Variants in MYO18A observed in about 807,000 individuals in gnomAD.
The protein encoded by MYO18A is unconventional myosin-XVIIIa.
A neutral mutation model predicts 235.8 loss-of-function variants in MYO18A; 78 were observed. The observed-to-expected ratio is 0.33, with a 90% confidence interval of 0.28 to 0.40. MYO18A has a LOEUF of 0.40. MYO18A is among the 10% of genes least tolerant of loss of function. The pLI is 1.00. For synonymous variants in MYO18A, 977 were observed against 1,077.8 expected, an observed-to-expected ratio of 0.91 and a Z score of 1.83; for missense variants, 2,215 against 2,699.3, an observed-to-expected ratio of 0.82 and a Z score of 3.98.
At chr17:29,113,927 G>T in intron 15 of MYO18A, 84 bp downstream of exon 15, 1 of 1,115,524 alleles carries the variant, frequency 9.0e-7, no homozygotes, top group Non-Finnish European at 1.3e-6. Flanking sequence ...CCCAGCAGCA[G>T]CTCAGATGGG....
At chr17:29,124,644 G>A (rs1319018485) in intron 2 of MYO18A, 2 of 1,281,818 alleles carry the variant, frequency 1.6e-6, no homozygotes, top group Non-Finnish European at 2.0e-6. Context: ...TGGGGGGAGA[G>A]CACCCTACCT....
rs142430455 is a variant in MYO18A, at chr17:29,154,121, T to TGTGTGTGTGTGTGCGCGC, written c.999+11820_999+11821insGCGCGCACACACACACAC. 2.2e-3 allele frequency among the ~76,000 whole-genome samples: 334 copies of TGTGTGTGTGTGTGCGCGC among 149,092 alleles called. 1 individual carries two copies. Among genetic ancestry groups the TGTGTGTGTGTGTGCGCGC allele is most frequent in the Middle Eastern group, 0.01 (3 of 292 alleles). On this transcript the variant is annotated intron_variant, in intron 2 of 41. Transcript: ENST00000527372. ...TGCAGAGTGTGTGTGTGTGTGTGTG[T>TGTGTGTGTGTGTGCGCGC]GCGCGCGCGTGCGTGTGTATGTGGC... is the stretch of plus-strand genomic sequence containing the variant.
At chr17:29,127,475 C>T (rs767556533) in intron 2 of MYO18A, among the ~76,000 whole-genome samples, 1 of 152,208 alleles carries the variant, frequency 6.6e-6, no homozygotes, top group African/African-American at 2.4e-5. Context: ...GGAATGCAAG[C>T]CCAGATCCCT....
intron 34 of MYO18A, chr17:29,091,475 AC>A (rs2066396728): frequency 5.6e-6 from 2 of 356,072 alleles, no homozygotes; most frequent in Non-Finnish European, 1.1e-5. Context: ...AACCAAAATG[AC>A]TGTGTTGGCT....
intron 2 of MYO18A, among the ~76,000 whole-genome samples, chr17:29,153,325 G>T (rs1215195529): frequency 6.6e-6 from 1 of 151,846 alleles, no homozygotes; most frequent in African/African-American, 2.4e-5. Flanking sequence ...TCACCATGTT[G>T]TCTGGGCTTG....
intron 21 of MYO18A, among the ~76,000 whole-genome samples, chr17:29,100,059 G>C (rs951767861): frequency 1.3e-5 from 2 of 152,166 alleles, no homozygotes; most frequent in Non-Finnish European, 2.9e-5. Context: ...GGCAAGGAAG[G>C]AAATGGAGCA....
At chr17:29,110,340 C>T in intron 18 of MYO18A, 96 bp downstream of exon 18, 2 of 1,399,786 alleles carry the variant, frequency 1.4e-6, no homozygotes, top group Non-Finnish European at 1.9e-6. Flanking sequence ...TGAGTGGGCA[C>T]CAGATGGCCT....
chr17:29,147,996 C>T (rs1403041444), intron 2 of MYO18A, among the ~76,000 whole-genome samples: 1 of 150,860 alleles, frequency 6.6e-6, no homozygotes, highest in Non-Finnish European at 1.5e-5. Flanking sequence ...GAGGGTGACT[C>T]AAGAGAAAAA....
At chr17:29,122,531 T>A (rs1406933582) in intron 2 of MYO18A, among the ~76,000 whole-genome samples, 1 of 152,124 alleles carries the variant, frequency 6.6e-6, no homozygotes, top group Non-Finnish European at 1.5e-5. Flanking sequence ...GACACAGGGA[T>A]CTTGTGCCCA....
intron 40 of MYO18A, among the ~76,000 whole-genome samples, chr17:29,085,214 T>C (rs2066223013): frequency 6.6e-6 from 1 of 152,186 alleles, no homozygotes. Flanking sequence ...AGCCCAAGGA[T>C]GTGGACAGAT....
chr17:29,084,010 A>G (rs2066187774), intron 40 of MYO18A, among the ~76,000 whole-genome samples: 1 of 152,212 alleles, frequency 6.6e-6, no homozygotes, highest in African/African-American at 2.4e-5. Context: ...TAACAACTGT[A>G]TCTCTAAGTA....
intron 11 of MYO18A, 155 bp from the exon 12 acceptor site, chr17:29,115,995 T>G: frequency 2.6e-6 from 2 of 756,410 alleles, no homozygotes; most frequent in Non-Finnish European, 2.1e-6. Flanking sequence ...CAGCCAGCAG[T>G]GGCCAGCATT....
In MYO18A at chr17:29,072,503, G is replaced by A. The variant is rs1379547504; in HGVS notation, c.*2267C>T. 1.3e-5 allele frequency: 2 copies of A among 152,226 alleles called. No homozygotes were observed. The highest frequency in any genetic ancestry group is 4.8e-5 in the African/African-American group (2 of 41,418). The allele number at this position is 152,226 out of a possible 1,614,324, so 9.4% of individuals were successfully genotyped here. On this transcript the variant is annotated 3_prime_UTR_variant, in exon 42 of 42. Coordinates refer to ENST00000527372, the MANE Select transcript of MYO18A (RefSeq NM_078471.4). ...AGATCATGCCACTGCATTCCAGCTTGGGCGACATAGCAAGACTCTGTCTCC... is the reference window on the plus strand; with the variant it reads ...AGATCATGCCACTGCATTCCAGCTTAGGCGACATAGCAAGACTCTGTCTCC...
rs146683310 is a variant in MYO18A, at chr17:29,071,828, C to T, written c.*2942G>A. 6.6e-6 allele frequency: 1 copy of T among 152,340 alleles called. No individual in the cohort carries two copies. The highest frequency in any genetic ancestry group is 1.5e-5 in the Non-Finnish European group (1 of 68,042). 9.4% of individuals were successfully genotyped at this position (152,340 alleles called of 1,614,324 possible). On this transcript the variant is annotated 3_prime_UTR_variant, in exon 42 of 42. Coordinates refer to ENST00000527372, the MANE Select transcript of MYO18A (RefSeq NM_078471.4). The stretch of plus-strand genomic sequence containing the variant: ...TCTACCCACTCTAAGCTTATGCATA[C>T]TAGCAGGTGCAGCATGTATTTTGTG...
Position 29,166,963 on chromosome 17 carries a change from G to T in MYO18A, c.-23C>A, listed in dbSNP as rs199751056. The T allele has an allele frequency of 1.9e-3, 2,872 of 1,511,062 alleles. 15 individuals are homozygous for T. The highest frequency in any genetic ancestry group is 6.4e-3 in the Middle Eastern group (37 of 5,772). 93.6% of individuals were successfully genotyped at this position (1,511,062 alleles called of 1,614,324 possible). On this transcript the variant is annotated 5_prime_UTR_variant, in exon 2 of 42. Coordinates refer to ENST00000527372, the MANE Select transcript of MYO18A (RefSeq NM_078471.4). ...CATGGTGGGGGTGCTGTTTGTAGGG[G>T]TAGCACCCCCAGAGGATTATGAGTG...
At position 29,095,041 on chromosome 17, in the gene MYO18A, C is replaced by G. The variant is rs750742796; in HGVS notation, c.4404G>C (p.Ser1468=). ...CCCGCTGGGCCTCCTCATGCGCCTG[C>G]GAGAGCTCACTGTCAAACCTGCGAG... ...KKQRRFDSEL[S]QAHEEAQREK... Residue 1468 remains serine (S), a synonymous_variant, in exon 29 of 42, where the codon TCG becomes TCC. Coordinates refer to ENST00000527372, the MANE Select transcript of MYO18A (RefSeq NM_078471.4). 1 of 1,553,838 alleles carries G rather than the reference C, an allele frequency of 6.4e-7. No individual in the cohort carries two copies. The highest frequency in any genetic ancestry group is 8.7e-7 in the Non-Finnish European group (1 of 1,147,926).
intron 11 of MYO18A, 106 bp from the exon 12 acceptor site, chr17:29,115,946 GCCCTGATGACA>G: frequency 7.7e-7 from 1 of 1,300,268 alleles, no homozygotes; most frequent in Non-Finnish European, 1.1e-6. Flanking sequence ...GCAAAAGCCA[GCCCTGATGACA>G]CCCGATGGGC....
Position 29,121,627 on chromosome 17 carries a change from C to T in MYO18A, c.1291G>A (p.Ala431Thr), listed in dbSNP as rs565414233. The T allele has an allele frequency of 4.2e-5, 66 of 1,584,070 alleles. No individual in the cohort carries two copies. The highest frequency in any genetic ancestry group is 2.5e-4 in the East Asian group (11 of 43,260). ...CCAGCATACGTGTGCAGCAGGCTAGCGCCATAGCGCTGGCGCAAGGTGTGC... is the reference window on the plus strand; with the variant it reads ...CCAGCATACGTGTGCAGCAGGCTAGTGCCATAGCGCTGGCGCAAGGTGTGC... ...VLHTLRQRYG[A>T]SLLHTYAGPS... Residue 431 changes from alanine to threonine, a missense_variant, in exon 5 of 42, where the codon GCT becomes ACT. Transcript: ENST00000527372. This position sits in a 1 kb window ranked among gnomAD's most constrained non-coding sequence, Gnocchi z 4.2.
In MYO18A at chr17:29,166,042, CCT is replaced by C. The variant is rs768941355; in HGVS notation, c.897_898del (p.Asp301GlnfsTer47). ...CTGCACCTTGAGCCGCACGCTGTCC[CCT>C]GACTGCCGGATCATCTCCACAATCT... On this transcript the variant is annotated frameshift_variant, in exon 2 of 42. Coordinates refer to ENST00000527372, the MANE Select transcript of MYO18A (RefSeq NM_078471.4). LOFTEE classifies it high-confidence loss of function. 3 of 1,613,654 alleles carry C rather than the reference CCT, an allele frequency of 1.9e-6. No homozygotes were observed. The highest frequency in any genetic ancestry group is 1.3e-5 in the African/African-American group (1 of 74,950).
Sources: gnomAD v4.1 joint callset for allele counts (sites outside exome capture counted in the v4.1 genomes callset) on GRCh38, gnomAD v4.1.1 for gene constraint, Gnocchi (gnomAD v3.1) non-coding constraint, MANE v1.5 for transcripts, NCBI Gene and HGNC (gene_info 2026-07-23, HGNC 2026-07-21) for gene names.